The following GABRB3 variants were observed in gnomAD, a reference collection of about 807,000 sequenced individuals.
GABRB3 encodes the protein gamma-aminobutyric acid type A receptor subunit beta3.
A neutral mutation model predicts 52.1 loss-of-function variants in GABRB3; 14 were observed. That is an observed-to-expected ratio of 0.27 (90% CI 0.18 to 0.42). The LOEUF (loss-of-function observed/expected upper bound fraction) is 0.42, where lower values mean the gene tolerates loss of function less well. Ranked by LOEUF, GABRB3 falls within the 10% of genes least tolerant of loss-of-function variation. The pLI, the probability that GABRB3 is intolerant of heterozygous loss-of-function variation, is 1.00. For missense variants in GABRB3, 307 were observed against 609.1 expected (o/e 0.50, Z 5.22); for synonymous variants, 260 against 232.3 (o/e 1.12, Z -1.08).
intron 4 of GABRB3, among the ~76,000 whole-genome samples, chr15:26,617,224 C>A (rs1258921441): frequency 6.6e-6 from 1 of 152,070 alleles, no homozygotes; most frequent in South Asian, 2.1e-4. Context: ...CTCCCTAACT[C>A]ATTTTATGAG....
chr15:26,579,286 GA>G (rs1890703621), intron 6 of GABRB3, among the ~76,000 whole-genome samples: 1 of 152,208 alleles, frequency 6.6e-6, no homozygotes, highest in Admixed American at 6.5e-5. Context: ...GCTGTGAGCA[GA>G]GCTGGAAGGT....
At chr15:26,615,215 T>C (rs975855420) in intron 4 of GABRB3, 3 of 893,700 alleles carry the variant, frequency 3.4e-6, no homozygotes, top group Admixed American at 1.2e-4. Flanking sequence ...AAGCTGTGAC[T>C]GGGACAGGAC....
chr15:26,594,809 C>A (rs1281056811), intron 4 of GABRB3, among the ~76,000 whole-genome samples: 4 of 152,144 alleles, frequency 2.6e-5, no homozygotes, highest in Non-Finnish European at 1.5e-5. Context: ...AGCCACCATG[C>A]CTGGAAAATG....
intron 3 of GABRB3, among the ~76,000 whole-genome samples, chr15:26,765,034 G>A (rs201300784): frequency 6.6e-6 from 1 of 151,148 alleles, no homozygotes; most frequent in Non-Finnish European, 1.5e-5. Context: ...GGAGGCTGAG[G>A]CAGGAGAATG....
At chr15:26,662,196 T>C (rs1415459727) in intron 3 of GABRB3, among the ~76,000 whole-genome samples, 1 of 152,212 alleles carries the variant, frequency 6.6e-6, no homozygotes, top group Non-Finnish European at 1.5e-5. Context: ...CTTTCATCTT[T>C]ATCCACATTT....
intron 3 of GABRB3, among the ~76,000 whole-genome samples, chr15:26,738,879 T>A (rs2140158257): frequency 6.6e-6 from 1 of 151,990 alleles, no homozygotes; most frequent in South Asian, 2.1e-4. Context: ...ACAGAAACAA[T>A]TACATAACAG....
intron 3 of GABRB3, among the ~76,000 whole-genome samples, chr15:26,735,925 A>C (rs1406476389): frequency 6.6e-6 from 1 of 151,514 alleles, no homozygotes; most frequent in Non-Finnish European, 1.5e-5. Flanking sequence ...ACTGCACTCC[A>C]GCCTGGGCAA....
At chr15:26,674,431 A>AGAAAG (rs1217753185) in intron 3 of GABRB3, among the ~76,000 whole-genome samples, 224 of 93,980 alleles carry the variant, frequency 2.4e-3, no homozygotes, top group African/African-American at 9.6e-3. Context: ...AGAAAAGAAA[A>AGAAAG]GAAAGGAAAG....
intron 6 of GABRB3, among the ~76,000 whole-genome samples, chr15:26,579,442 C>T (rs1044228674): frequency 2.6e-5 from 4 of 152,144 alleles, no homozygotes; most frequent in Admixed American, 6.5e-5. Context: ...CACATGAAGG[C>T]GAAGCTGGTG....
chr15:26,602,510 G>A (rs1408748798), intron 4 of GABRB3, among the ~76,000 whole-genome samples: 2 of 151,880 alleles, frequency 1.3e-5, no homozygotes, highest in African/African-American at 4.8e-5. Context: ...CATATGTTAG[G>A]GTCACAAACC....
chr15:26,547,975 G>C lies in GABRB3; in HGVS notation c.1240C>G (p.Arg414Gly), dbSNP rs536564598. 1 of 1,614,138 alleles carries C rather than the reference G, an allele frequency of 6.2e-7. No individual in the cohort carries two copies. The highest frequency in any genetic ancestry group is 8.5e-7 in the Non-Finnish European group (1 of 1,180,022). The change falls in exon 9 of 9, where the codon CGA becomes GGA. Residue 414 changes from arginine (R) to glycine (G), a missense_variant. Physicochemically the swap from Arg to Gly is moderately radical, Grantham distance 125. Coordinates refer to ENST00000311550, the MANE Select transcript of GABRB3 (RefSeq NM_000814.6). ...GGGAGGCTTCTGTCCCCCAGGAATC[G>C]CCCATGCCCTTCTCGAGGCATGCTC... Reference protein sequence around the residue: ...KQSMPREGHGRFLGDRSLPHK... With the variant: ...KQSMPREGHGGFLGDRSLPHK...
At chr15:26,681,973 T>G (rs2140649039) in intron 3 of GABRB3, among the ~76,000 whole-genome samples, 1 of 152,242 alleles carries the variant, frequency 6.6e-6, no homozygotes, top group South Asian at 2.1e-4. Flanking sequence ...AAAATTATTA[T>G]TTCACAAAAT....
chr15:26,773,028 T>G lies in GABRB3; in HGVS notation c.-66A>C. On this transcript the variant is annotated 5_prime_UTR_variant, in exon 1 of 9. Transcript: ENST00000311550. ...CGCCGTCGCGACCCGCAGCCGGGGC[T>G]GCTCCTGCTGCTGCCGCCGCCGCCG... 9.4e-7 allele frequency: 1 copy of G among 1,066,214 alleles called. No homozygotes were observed. Among genetic ancestry groups the G allele is most frequent in the South Asian group, 4.6e-5 (1 of 21,720 alleles). 66.0% of individuals were successfully genotyped at this position (1,066,214 alleles called of 1,614,324 possible).
chr15:26,588,863 G>A (rs1413665094), intron 4 of GABRB3, among the ~76,000 whole-genome samples: 1 of 152,120 alleles, frequency 6.6e-6, no homozygotes, highest in Non-Finnish European at 1.5e-5. Flanking sequence ...TCATTTATTA[G>A]ATCATTCCTG....
chr15:26,712,367 T>C (rs1483153178), intron 3 of GABRB3, among the ~76,000 whole-genome samples: 1 of 152,002 alleles, frequency 6.6e-6, no homozygotes, highest in Non-Finnish European at 1.5e-5. Context: ...TTACTCTGGC[T>C]ACTATGTAAG....
chr15:26,733,917 G>A (rs866231288), intron 3 of GABRB3, among the ~76,000 whole-genome samples: 2 of 151,360 alleles, frequency 1.3e-5, no homozygotes, highest in South Asian at 2.1e-4. Context: ...GGATAAGCCA[G>A]ATATCCACAT....
At chr15:26,568,684 G>GTATTTTTTTTTT (rs373552704) in intron 6 of GABRB3, among the ~76,000 whole-genome samples, 1 of 133,670 alleles carries the variant, frequency 7.5e-6, no homozygotes, top group African/African-American at 2.7e-5. Context: ...TTTTTTTTTG[G>GTATTTTTTTTTT]TTTTGTATGT....
chr15:26,619,719 A>T (rs1267637651), intron 4 of GABRB3, among the ~76,000 whole-genome samples: 1 of 152,132 alleles, frequency 6.6e-6, no homozygotes, highest in African/African-American at 2.4e-5. Flanking sequence ...ATAAAAGTGG[A>T]GAAAACTGAA....
intron 6 of GABRB3, among the ~76,000 whole-genome samples, chr15:26,579,589 G>A (rs1890715259): frequency 6.6e-6 from 1 of 152,206 alleles, no homozygotes; most frequent in Non-Finnish European, 1.5e-5. Flanking sequence ...TCAACCAAGA[G>A]TTGGTGATCT....
Sources: gnomAD v4.1 joint callset for allele counts (sites outside exome capture counted in the v4.1 genomes callset) on GRCh38, gnomAD v4.1.1 for gene constraint, MANE v1.5 for transcripts, NCBI Gene and HGNC (gene_info 2026-07-23, HGNC 2026-07-21) for gene names.